The following ZNF385B variants were observed in gnomAD, a reference collection of about 807,000 sequenced individuals.
ZNF385B encodes zinc finger protein 533.
ZNF385B carries 23 observed loss-of-function variants against 39.2 expected under a neutral mutation model. That is an observed-to-expected ratio of 0.59 (90% confidence interval 0.42 to 0.83). The LOEUF (loss-of-function observed/expected upper bound fraction) is 0.83. Among genes scored for constraint, ZNF385B ranks in the 40% least tolerant of loss-of-function variants. The probability of loss-of-function intolerance (pLI) is 0.00; values close to 1 mark genes in which losing one functional copy is unlikely to be tolerated. For synonymous variants in ZNF385B, 205 were observed against 222.6 expected, an observed-to-expected ratio of 0.92 and a Z score of 0.70; for missense variants, 552 against 598.9, an observed-to-expected ratio of 0.92 and a Z score of 0.82.
At chr2:179,775,498 C>G (rs1211021473) in intron 1 of ZNF385B, among the ~76,000 whole-genome samples, 1 of 152,094 alleles carries the variant, frequency 6.6e-6, no homozygotes, top group East Asian at 1.9e-4. Context: ...GTTCATTGGT[C>G]TCATTTTTTT....
chr2:179,638,201 G>A (rs1194445911), intron 3 of ZNF385B, among the ~76,000 whole-genome samples: 5 of 152,068 alleles, frequency 3.3e-5, no homozygotes, highest in African/African-American at 4.8e-5. Context: ...GTTGAGTGTC[G>A]ATCTCACATT....
intron 3 of ZNF385B, among the ~76,000 whole-genome samples, chr2:179,747,447 C>T (rs1047524402): frequency 2.0e-5 from 3 of 152,092 alleles, no homozygotes; most frequent in African/African-American, 7.2e-5. Context: ...CCTAGGGCAA[C>T]ATTTGAATGT....
intron 3 of ZNF385B, among the ~76,000 whole-genome samples, chr2:179,691,639 GT>G (rs1417739350): frequency 2.6e-5 from 4 of 152,098 alleles, no homozygotes; most frequent in Non-Finnish European, 5.9e-5. Flanking sequence ...AAGTACTGAA[GT>G]TTCAATGAGT....
At chr2:179,498,091 C>T (rs951584103) in intron 5 of ZNF385B, among the ~76,000 whole-genome samples, 3 of 151,930 alleles carry the variant, frequency 2.0e-5, no homozygotes, top group African/African-American at 7.2e-5. Context: ...AGAGAGAGGC[C>T]CCAATACAAT....
At chr2:179,664,899 C>G (rs562718511) in intron 3 of ZNF385B, among the ~76,000 whole-genome samples, 4 of 151,860 alleles carry the variant, frequency 2.6e-5, no homozygotes, top group Non-Finnish European at 5.9e-5. Flanking sequence ...TGTGTTTTTA[C>G]TTTTTTTGCA....
At chr2:179,742,337 T>C (rs1379146274) in intron 3 of ZNF385B, among the ~76,000 whole-genome samples, 1 of 151,758 alleles carries the variant, frequency 6.6e-6, no homozygotes, top group Non-Finnish European at 1.5e-5. Flanking sequence ...ACCAATTTTC[T>C]AGGCCATTAC....
chr2:179,516,215 T>G (rs2058080878), intron 5 of ZNF385B, among the ~76,000 whole-genome samples: 1 of 152,170 alleles, frequency 6.6e-6, no homozygotes, highest in Admixed American at 6.5e-5. Flanking sequence ...ATTCCAGTTT[T>G]GGGCAATTAT....
At chr2:179,643,691 T>C (rs1692465639) in intron 3 of ZNF385B, among the ~76,000 whole-genome samples, 1 of 152,094 alleles carries the variant, frequency 6.6e-6, no homozygotes, top group African/African-American at 2.4e-5. Context: ...AAGAGCATAG[T>C]TGTTGCCAAG....
intron 3 of ZNF385B, among the ~76,000 whole-genome samples, chr2:179,655,456 G>A (rs1693645161): frequency 6.7e-6 from 1 of 149,928 alleles, no homozygotes; most frequent in Non-Finnish European, 1.5e-5. Flanking sequence ...TTTGTCTCTA[G>A]AGGTATTAAA....
At chr2:179,577,505 TAA>T (rs1685974312) in intron 3 of ZNF385B, among the ~76,000 whole-genome samples, 1 of 152,142 alleles carries the variant, frequency 6.6e-6, no homozygotes, top group Non-Finnish European at 1.5e-5. Context: ...GCATCTACTT[TAA>T]AGAGAAACAT....
chr2:179,570,530 T>C (rs577305993), intron 3 of ZNF385B, among the ~76,000 whole-genome samples: 9 of 152,268 alleles, frequency 5.9e-5, no homozygotes, highest in Admixed American at 3.9e-4. Flanking sequence ...ATCTGTCTTT[T>C]TTAGATTTGG....
intron 3 of ZNF385B, among the ~76,000 whole-genome samples, chr2:179,753,328 T>C (rs919953026): frequency 6.6e-6 from 1 of 152,178 alleles, no homozygotes; most frequent in Non-Finnish European, 1.5e-5. Context: ...CCATGCTGTT[T>C]TGGTTACTGT....
intron 6 of ZNF385B, among the ~76,000 whole-genome samples, chr2:179,458,817 C>T (rs1202649872): frequency 1.3e-5 from 2 of 152,156 alleles, no homozygotes; most frequent in Admixed American, 1.3e-4. Context: ...CTCCCTACAC[C>T]CTTCTTTGTT....
chr2:179,788,473 C>T (rs766640250), intron 1 of ZNF385B, among the ~76,000 whole-genome samples: 2 of 152,114 alleles, frequency 1.3e-5, no homozygotes, highest in Non-Finnish European at 1.5e-5. Flanking sequence ...CTGAGGCTCC[C>T]TTGAGAGTTC....
intron 3 of ZNF385B, among the ~76,000 whole-genome samples, chr2:179,742,443 T>A (rs1302656191): frequency 2.6e-5 from 4 of 152,180 alleles, no homozygotes; most frequent in Admixed American, 6.6e-5. Flanking sequence ...CAACTAACAA[T>A]TTTCAATATT....
rs902348632 is a variant in ZNF385B at position 179,722,206 on chromosome 2, G to A, written c.298+47297C>T. On this transcript the variant is annotated intron_variant, in intron 3 of 9. Coordinates refer to ENST00000410066, the MANE Select transcript of ZNF385B (RefSeq NM_152520.6). ...AAACACATATGAAGATTTTAAGGAA[G>A]ATATAAATTTATGGAGAAGTAAACC... 3.3e-5 allele frequency among the ~76,000 whole-genome samples: 5 copies of A among 152,170 alleles called. 1 individual carries two copies. In the South Asian group the frequency reaches 1.0e-3, roughly 32 times the overall value.
chr2:179,846,149 A>G (rs1342769935), intron 1 of ZNF385B, among the ~76,000 whole-genome samples: 1 of 152,210 alleles, frequency 6.6e-6, no homozygotes, highest in Non-Finnish European at 1.5e-5. Flanking sequence ...GATGCTATTC[A>G]GTTATTTTTA....
rs191828101 is a variant in ZNF385B, at chr2:179,553,206, T to C, written c.299-8237A>G. On this transcript the variant is annotated intron_variant, in intron 3 of 9. Transcript: ENST00000410066. ...ATACTGGACCTCCAAACAGATATAG[T>C]ATTCAACTGGGAATTAGTTGAAACT... 2.3e-4 allele frequency among the ~76,000 whole-genome samples: 35 copies of C among 149,408 alleles called. 4 individuals carry two copies. Among genetic ancestry groups the C allele is most frequent in the African/African-American group, 8.5e-4 (34 of 39,772 alleles).
At chr2:179,528,965 C>T (rs1473833213) in intron 4 of ZNF385B, among the ~76,000 whole-genome samples, 1 of 152,132 alleles carries the variant, frequency 6.6e-6, no homozygotes, top group African/African-American at 2.4e-5. Context: ...TCAAAAAGTT[C>T]AGTTTAACAA....
Sources: gnomAD v4.1 joint callset for allele counts (sites outside exome capture counted in the v4.1 genomes callset) on GRCh38, gnomAD v4.1.1 for gene constraint, MANE v1.5 for transcripts, NCBI Gene and HGNC (gene_info 2026-07-23, HGNC 2026-07-21) for gene names.